RILPL1: variants seen among roughly 807,000 people sequenced by gnomAD.
RILPL1 encodes Rab interacting lysosomal protein like 1.
RILPL1 carries 33 observed loss-of-function variants against 50.3 expected under a neutral mutation model. The ratio of observed to expected loss-of-function variants is 0.66; its 90% confidence interval spans 0.50 to 0.88. The LOEUF is 0.88. Among genes scored for constraint, RILPL1 ranks in the 40% least tolerant of loss-of-function variants. RILPL1 has a pLI of 0.00. For synonymous variants in RILPL1, 205 were observed against 228.6 expected (o/e 0.90, Z 0.93); for missense variants, 418 against 542.5 (o/e 0.77, Z 2.28).
chr12:123,476,627 G>A (rs1378542482), intron 6 of RILPL1, among the ~76,000 whole-genome samples: 2 of 152,016 alleles, frequency 1.3e-5, no homozygotes, highest in Middle Eastern at 3.2e-3. Flanking sequence ...GCAGGCCAAG[G>A]ACTGCCAAAG....
rs1179698864 is a variant in RILPL1, at chr12:123,523,499, A to G, written c.456T>C (p.His152=). The G allele has an allele frequency of 1.2e-6, 2 of 1,613,930 alleles. No homozygotes were observed. The highest frequency in any genetic ancestry group is 1.7e-5 in the Admixed American group (1 of 60,024). Residue 152 remains histidine, a synonymous_variant, in exon 2 of 7, where the codon CAT becomes CAC. Coordinates refer to ENST00000376874, the MANE Select transcript of RILPL1 (RefSeq NM_178314.5). ...VNFSEEEFQK[H]EGMSERERQV... is the part of the protein sequence containing the mutation. ...TTGGCGCCGACCCCCACTTACCTTC[A>G]TGCTTCTGGAACTCCTCCTCTGAGA...
At position 123,498,474 on chromosome 12, in the gene RILPL1, C is replaced by A; in HGVS notation, c.801+70G>T. On this transcript the variant is annotated intron_variant, in intron 4 of 6. Coordinates refer to ENST00000376874, the MANE Select transcript of RILPL1 (RefSeq NM_178314.5). This position sits in a 1 kb window ranked among gnomAD's most constrained non-coding sequence, Gnocchi z 4.3. Reference sequence around the variant, plus strand: ...AAGTATAATGGGGAAAACAAGGCAACCCTGCCTGCCTTAAGCCAACCCCCA... The same window carrying A: ...AAGTATAATGGGGAAAACAAGGCAAACCTGCCTGCCTTAAGCCAACCCCCA... The A allele has an allele frequency of 1.4e-6, 2 of 1,408,546 alleles. No individual in the cohort carries two copies. Among genetic ancestry groups the A allele is most frequent in the African/African-American group, 1.4e-5 (1 of 71,152 alleles). The allele number at this position is 1,408,546 out of a possible 1,614,324, so 87.3% of individuals were successfully genotyped here.
chr12:123,479,222 A>G (rs771189632), intron 6 of RILPL1, among the ~76,000 whole-genome samples: 1 of 152,114 alleles, frequency 6.6e-6, no homozygotes, highest in Non-Finnish European at 1.5e-5. Flanking sequence ...CATCTGAGAA[A>G]TGGGGATAAT....
chr12:123,527,676 T>A (rs28497190), intron 1 of RILPL1, among the ~76,000 whole-genome samples: 3 of 151,786 alleles, frequency 2.0e-5, no homozygotes, highest in South Asian at 4.2e-4. Flanking sequence ...AAAAAGAGCT[T>A]GTGAGATGGG....
chr12:123,529,728 G>A (rs1258245658), intron 1 of RILPL1, among the ~76,000 whole-genome samples: 1 of 150,556 alleles, frequency 6.6e-6, no homozygotes, highest in Non-Finnish European at 1.5e-5. Context: ...GTCTCTAAAG[G>A]AAAAAAAAAT....
At chr12:123,474,917 C>G (rs1022559648) in intron 6 of RILPL1, 1 of 152,260 alleles carries the variant, frequency 6.6e-6, no homozygotes, top group Non-Finnish European at 1.5e-5. Flanking sequence ...CCTACACTCA[C>G]TTTCTACCAG....
intron 6 of RILPL1, among the ~76,000 whole-genome samples, chr12:123,482,936 A>G (rs189576074): frequency 8.1e-4 from 124 of 152,268 alleles, no homozygotes; most frequent in South Asian, 3.9e-3. Context: ...GAGAGGGCCC[A>G]GCAGTGACAA....
Position 123,484,222 on chromosome 12 carries a change from T to C in RILPL1, c.1025A>G (p.His342Arg). Residue 342 changes from histidine to arginine, a missense_variant, in exon 6 of 7, where the codon CAC becomes CGC. Coordinates refer to ENST00000376874, the MANE Select transcript of RILPL1 (RefSeq NM_178314.5). ...CTCCGGCTGGGGGGACGTCCTCGGG[T>C]GGGCGATGGGTGGGGGTTGGGGTAT... ...NRIPQPPPIAHPRTSPQPESG... is the reference protein window; with the variant it reads ...NRIPQPPPIARPRTSPQPESG... 6.6e-7 allele frequency: 1 copy of C among 1,516,778 alleles called. No homozygotes were observed. The highest frequency in any genetic ancestry group is 9.1e-7 in the Non-Finnish European group (1 of 1,098,316). 94.0% of individuals were successfully genotyped at this position (1,516,778 alleles called of 1,614,324 possible). A position where few individuals can be genotyped will look rare whatever the true frequency, so the allele number is the denominator to read the frequency against.
intron 4 of RILPL1, among the ~76,000 whole-genome samples, chr12:123,493,113 C>A (rs1042168717): frequency 6.6e-6 from 1 of 152,154 alleles, no homozygotes; most frequent in Non-Finnish European, 1.5e-5. Flanking sequence ...TCCTGCCTGT[C>A]CCTGGGCAAT....
Position 123,511,819 on chromosome 12 carries a change from G to A in RILPL1, c.460+11676C>T, listed in dbSNP as rs2139364451. On this transcript the variant is annotated intron_variant, in intron 2 of 6. Transcript: ENST00000376874. Reference sequence around the variant, plus strand: ...TCTGTGTGTGGTGTGTGAGGTCTGTGTGTGTGTGTGAGATCTGTATGTGTG... The same window carrying A: ...TCTGTGTGTGGTGTGTGAGGTCTGTATGTGTGTGTGAGATCTGTATGTGTG... 1.5e-5 allele frequency among the ~76,000 whole-genome samples: 2 copies of A among 129,468 alleles called. 1 individual carries two copies. The highest frequency in any genetic ancestry group is 6.3e-5 in the African/African-American group (2 of 31,930). The allele number at this position is 129,468 out of a possible 152,430, so 84.9% of individuals were successfully genotyped here.
In RILPL1 at chr12:123,472,337, C is replaced by T. The variant is rs180921742; in HGVS notation, c.*201G>A. On this transcript the variant is annotated 3_prime_UTR_variant, in exon 7 of 7. Coordinates refer to ENST00000376874, the MANE Select transcript of RILPL1 (RefSeq NM_178314.5). ...TCATCTATTAGAAACAGTGATAGCCCTGGGTATAAATAAACATTTCTTTAG... is the reference window on the plus strand; with the variant it reads ...TCATCTATTAGAAACAGTGATAGCCTTGGGTATAAATAAACATTTCTTTAG... The T allele has an allele frequency of 1.0e-4, 59 of 569,492 alleles. No homozygotes were observed. The highest frequency in any genetic ancestry group is 4.7e-4 in the Middle Eastern group (1 of 2,108). The allele number at this position is 569,492 out of a possible 1,614,324, so 35.3% of individuals were successfully genotyped here. A position where few individuals can be genotyped will look rare whatever the true frequency, so the allele number is the denominator to read the frequency against.
At chr12:123,503,983 A>C (rs1883571244) in intron 2 of RILPL1, among the ~76,000 whole-genome samples, 1 of 146,402 alleles carries the variant, frequency 6.8e-6, no homozygotes, top group African/African-American at 2.6e-5. Context: ...CCTGGGTGAT[A>C]GAGCGAGACT....
At chr12:123,525,400 T>TA (rs1885214570) in intron 1 of RILPL1, among the ~76,000 whole-genome samples, 1 of 149,322 alleles carries the variant, frequency 6.7e-6, no homozygotes, top group Non-Finnish European at 1.5e-5. Context: ...TTTTTTTTTT[T>TA]AGAGATGGGG....
At chr12:123,532,582 G>A (rs1021662446) in intron 1 of RILPL1, among the ~76,000 whole-genome samples, 1 of 151,824 alleles carries the variant, frequency 6.6e-6, no homozygotes, top group African/African-American at 2.4e-5. Flanking sequence ...GAGAGAACAC[G>A]GGCTACCACA....
At position 123,470,198 on chromosome 12, in the gene RILPL1, C is replaced by G. The variant is rs959283729; in HGVS notation, c.*2340G>C. Reference sequence around the variant, plus strand: ...GACTTATCAAAAAAGTGACATTTGGCCAGGCACGGTGGCTCACACCTGAAT... The same window carrying G: ...GACTTATCAAAAAAGTGACATTTGGGCAGGCACGGTGGCTCACACCTGAAT... On this transcript the variant is annotated 3_prime_UTR_variant, in exon 7 of 7. Coordinates refer to ENST00000376874, the MANE Select transcript of RILPL1 (RefSeq NM_178314.5). 2.6e-5 allele frequency: 4 copies of G among 152,070 alleles called. No homozygotes were observed. Among genetic ancestry groups the G allele is most frequent in the Admixed American group, 2.0e-4 (3 of 15,254 alleles). The allele number at this position is 152,070 out of a possible 1,614,324, so 9.4% of individuals were successfully genotyped here.
At chr12:123,509,024 C>T (rs898742477) in intron 2 of RILPL1, among the ~76,000 whole-genome samples, 5 of 152,054 alleles carry the variant, frequency 3.3e-5, no homozygotes, top group African/African-American at 1.2e-4. Context: ...CTCGTCTCTA[C>T]TAATAATACA....
intron 6 of RILPL1, among the ~76,000 whole-genome samples, chr12:123,479,483 G>A (rs1009217861): frequency 1.3e-5 from 2 of 152,114 alleles, no homozygotes; most frequent in African/African-American, 4.8e-5. Context: ...ATGGAAGGAC[G>A]CTCAGAACCG....
At position 123,533,447 on chromosome 12, in the gene RILPL1, C is replaced by T. The variant is rs1401429104; in HGVS notation, c.36G>A (p.Glu12=). ...EEERGSALAA[E]SALEKNVAEL... ...CGGCCACGTTCTTCTCCAGCGCCGA[C>T]TCGGCCGCCAGCGCCGACCCCCGCT... Residue 12 remains glutamate (E), a synonymous_variant, in exon 1 of 7, where the codon GAG becomes GAA. Transcript: ENST00000376874. This position sits in a 1 kb window ranked among gnomAD's most constrained non-coding sequence, Gnocchi z 6.2. 9.1e-6 allele frequency: 14 copies of T among 1,531,486 alleles called. No homozygotes were observed. The highest frequency in any genetic ancestry group is 1.1e-5 in the Non-Finnish European group (13 of 1,136,310). The allele number at this position is 1,531,486 out of a possible 1,614,324, so 94.9% of individuals were successfully genotyped here. A position where few individuals can be genotyped will look rare whatever the true frequency, so the allele number is the denominator to read the frequency against.
chr12:123,517,699 G>C (rs762408486), intron 2 of RILPL1, among the ~76,000 whole-genome samples: 1 of 152,188 alleles, frequency 6.6e-6, no homozygotes, highest in Non-Finnish European at 1.5e-5. Context: ...TGGGATGACA[G>C]GCATGAGCCA....
Sources: gnomAD v4.1 joint callset for allele counts (sites outside exome capture counted in the v4.1 genomes callset) on GRCh38, gnomAD v4.1.1 for gene constraint, Gnocchi (gnomAD v3.1) non-coding constraint, MANE v1.5 for transcripts, NCBI Gene and HGNC (gene_info 2026-07-23, HGNC 2026-07-21) for gene names.